The following ARAP2 variants were observed in gnomAD, a reference collection of about 807,000 sequenced individuals.
The protein encoded by ARAP2 is arf-GAP with Rho-GAP domain, ANK repeat and PH domain-containing protein 2.
A neutral mutation model predicts 194.5 loss-of-function variants in ARAP2; 148 were observed. The observed-to-expected ratio is 0.76, with a 90% CI of 0.67 to 0.87. ARAP2 has a LOEUF of 0.87. Ranked by LOEUF, ARAP2 falls within the 40% of genes least tolerant of loss-of-function variation. The pLI, the probability that ARAP2 is intolerant of heterozygous loss-of-function variation, is 0.00. For synonymous variants in ARAP2, 695 were observed against 683.5 expected (o/e 1.02, Z -0.26); for missense variants, 2,128 against 1,989.7 (o/e 1.07, Z -1.32).
At chr4:36,205,899 C>A (rs779277850) in intron 6 of ARAP2, among the ~76,000 whole-genome samples, 70 of 152,176 alleles carry the variant, frequency 4.6e-4, no homozygotes, top group South Asian at 6.2e-4. Context: ...ATTTCCTTGG[C>A]ACAATGTTTA....
intron 15 of ARAP2, among the ~76,000 whole-genome samples, chr4:36,155,651 ATT>A (rs35441865): frequency 1.2e-4 from 17 of 146,904 alleles, no homozygotes; most frequent in East Asian, 7.9e-4. Context: ...TTTTTTATTT[ATT>A]TTTTTTTTTA....
Position 36,178,044 on chromosome 4 carries a change from A to C in ARAP2, c.1679-39T>G, listed in dbSNP as rs373738231. The C allele has an allele frequency of 9.2e-6, 14 of 1,526,136 alleles. No homozygotes were observed. The African/African-American group carries it at 1.9e-4, about 21-fold the overall frequency. The allele number at this position is 1,526,136 out of a possible 1,614,324, so 94.5% of individuals were successfully genotyped here. A position where few individuals can be genotyped will look rare whatever the true frequency, so the allele number is the denominator to read the frequency against. On this transcript the variant is annotated intron_variant, in intron 8 of 32. Transcript: ENST00000303965. ...CAGGAGAAAATACATAAATCCACAT[A>C]TAAGTTACATAGACACAGAAACGTC...
intron 19 of ARAP2, among the ~76,000 whole-genome samples, chr4:36,138,294 T>C (rs1202597824): frequency 6.6e-6 from 1 of 151,730 alleles, no homozygotes; most frequent in Non-Finnish European, 1.5e-5. Context: ...TACACTTGTG[T>C]AACTACCACC....
At chr4:36,144,213 A>C (rs1385796814) in intron 19 of ARAP2, among the ~76,000 whole-genome samples, 1 of 151,934 alleles carries the variant, frequency 6.6e-6, no homozygotes, top group Non-Finnish European at 1.5e-5. Flanking sequence ...AAAAATGAAA[A>C]GGATAAACAC....
intron 7 of ARAP2, among the ~76,000 whole-genome samples, chr4:36,192,169 T>G (rs898167801): frequency 1.6e-3 from 8 of 4,910 alleles, no homozygotes; most frequent in African/African-American, 8.7e-3. Context: ...AGTGTTTCTG[T>G]TTTTTTTTTT....
chr4:36,234,739 TAAC>T (rs1338204292), intron 1 of ARAP2, among the ~76,000 whole-genome samples: 1 of 152,214 alleles, frequency 6.6e-6, no homozygotes, highest in Non-Finnish European at 1.5e-5. Flanking sequence ...ACAGCACTTA[TAAC>T]AACAACTGGA....
At chr4:36,048,120 A>G (rs1243695374) in intron 3 of ARAP2, among the ~76,000 whole-genome samples, 2 of 152,210 alleles carry the variant, frequency 1.3e-5, no homozygotes, top group Admixed American at 1.3e-4. Flanking sequence ...AGTAAAATGT[A>G]TGAGGAATAA....
chr4:36,210,720 T>G lies in ARAP2; in HGVS notation c.1157A>C (p.Lys386Thr), dbSNP rs760947856. 38 of 1,603,690 alleles carry G rather than the reference T, an allele frequency of 2.4e-5. No individual in the cohort carries two copies. The highest frequency in any genetic ancestry group is 1.9e-5 in the Non-Finnish European group (22 of 1,176,744). The change falls in exon 6 of 33, where the codon AAA (lysine) becomes ACA (threonine). Residue 386 changes from lysine (K) to threonine (T), a missense_variant. Physicochemically the swap from Lys to Thr is moderately conservative, Grantham distance 78 (BLOSUM62 -1). Transcript: ENST00000303965. ...KSSIYDNRKE[K>T]ISEDKVEDIW... ...ATCTTCCACCTTGTCCTCGCTTATT[T>G]TCTCCTTTCTGTTATCGTATATGCT... is the stretch of plus-strand genomic sequence containing the variant.
intron 1 of ARAP2, among the ~76,000 whole-genome samples, chr4:36,235,615 A>G (rs1752293430): frequency 6.6e-6 from 1 of 152,148 alleles, no homozygotes. Flanking sequence ...GAGGTCAGGG[A>G]TCTTGTCTAC....
intron 22 of ARAP2, among the ~76,000 whole-genome samples, chr4:36,123,902 T>C (rs1027658747): frequency 5.3e-5 from 8 of 151,798 alleles, no homozygotes; most frequent in African/African-American, 1.7e-4. Flanking sequence ...ATCTGAAGCA[T>C]AGAAGCATCC....
intron 9 of ARAP2, among the ~76,000 whole-genome samples, chr4:36,173,117 C>T (rs1275888906): frequency 6.6e-6 from 1 of 151,904 alleles, no homozygotes; most frequent in African/African-American, 2.4e-5. Flanking sequence ...ATACCCAAAC[C>T]CACCAAGCAA....
intron 26 of ARAP2, among the ~76,000 whole-genome samples, chr4:36,112,729 A>G (rs1424436080): frequency 2.0e-5 from 3 of 151,826 alleles, no homozygotes; most frequent in African/African-American, 7.2e-5. Context: ...CTTTCCAAGG[A>G]ACTCCCATCA....
chr4:36,036,739 T>G (rs145852437), intron 5 of ARAP2, among the ~76,000 whole-genome samples: 1 of 152,242 alleles, frequency 6.6e-6, no homozygotes, highest in African/African-American at 2.4e-5. Flanking sequence ...TTCCACAATA[T>G]CTCTAAGTTT....
At chr4:36,183,356 T>G (rs1030432017) in intron 8 of ARAP2, among the ~76,000 whole-genome samples, 1 of 152,122 alleles carries the variant, frequency 6.6e-6, no homozygotes, top group Non-Finnish European at 1.5e-5. Flanking sequence ...TGTATGATGT[T>G]GTCTAAAAGC....
At chr4:36,109,120 C>T (rs1245818939) in intron 26 of ARAP2, among the ~76,000 whole-genome samples, 4 of 151,938 alleles carry the variant, frequency 2.6e-5, no homozygotes, top group African/African-American at 9.7e-5. Flanking sequence ...CTGCTATGAA[C>T]ATATCATATC....
At chr4:36,079,711 A>T (rs1213688501) in intron 31 of ARAP2, among the ~76,000 whole-genome samples, 1 of 152,196 alleles carries the variant, frequency 6.6e-6, no homozygotes, top group Non-Finnish European at 1.5e-5. Context: ...TGTTTTATAA[A>T]ACCAAAAACA....
At chr4:36,085,875 C>G (rs1218760764) in intron 28 of ARAP2, among the ~76,000 whole-genome samples, 2 of 152,022 alleles carry the variant, frequency 1.3e-5, no homozygotes, top group African/African-American at 4.8e-5. Context: ...GTAGTTTATG[C>G]ATTTTGTCTT....
At chr4:36,145,474 C>A (rs1183452987) in intron 19 of ARAP2, among the ~76,000 whole-genome samples, 1 of 151,756 alleles carries the variant, frequency 6.6e-6, no homozygotes, top group African/African-American at 2.4e-5. Context: ...GGGAGTTAAA[C>A]AATGAGTTAC....
chr4:36,020,427 A>G (rs897506252), intron 5 of ARAP2, among the ~76,000 whole-genome samples: 5 of 152,156 alleles, frequency 3.3e-5, no homozygotes, highest in African/African-American at 1.2e-4. Context: ...CCACCTAAAA[A>G]AAGTAAATCA....
Sources: gnomAD v4.1 joint callset for allele counts (sites outside exome capture counted in the v4.1 genomes callset) on GRCh38, gnomAD v4.1.1 for gene constraint, MANE v1.5 for transcripts, NCBI Gene and HGNC (gene_info 2026-07-23, HGNC 2026-07-21) for gene names.